Variants in SRRM4 observed in about 807,000 individuals in gnomAD.
SRRM4 encodes the protein serine/arginine repetitive matrix 4, also known as serine/arginine repetitive matrix protein 4.
In SRRM4, 33 loss-of-function variants were observed where a neutral mutation model predicts 68.9. The ratio of observed to expected loss-of-function variants is 0.48; its 90% CI spans 0.36 to 0.64. The LOEUF (loss-of-function observed/expected upper bound fraction) is 0.64, where lower values mean the gene tolerates loss of function less well. Ranked by LOEUF, SRRM4 falls within the 30% of genes least tolerant of loss-of-function variation. The pLI is 0.00. For synonymous variants in SRRM4, 318 were observed against 318.8 expected (o/e 1.00, Z 0.03); for missense variants, 817 against 827.1 (o/e 0.99, Z 0.15).
intron 1 of SRRM4, among the ~76,000 whole-genome samples, chr12:119,020,556 T>A (rs1319471264): frequency 6.6e-6 from 1 of 152,110 alleles, no homozygotes; most frequent in South Asian, 2.1e-4. Context: ...GCGCAAGGAA[T>A]GAAATCGTGA....
At chr12:119,074,005 T>C (rs1032831147) in intron 1 of SRRM4, among the ~76,000 whole-genome samples, 2 of 152,150 alleles carry the variant, frequency 1.3e-5, no homozygotes, top group African/African-American at 2.4e-5. Flanking sequence ...TTAAATAAGA[T>C]AATATATGTA....
intron 1 of SRRM4, among the ~76,000 whole-genome samples, chr12:119,039,879 A>G (rs927164551): frequency 3.3e-5 from 5 of 152,032 alleles, no homozygotes; most frequent in African/African-American, 1.2e-4. Context: ...TTTCTCAGCC[A>G]CCCATATACC....
intron 1 of SRRM4, among the ~76,000 whole-genome samples, chr12:119,095,751 CT>C (rs1212712434): frequency 6.6e-6 from 1 of 152,016 alleles, no homozygotes; most frequent in African/African-American, 2.4e-5. Flanking sequence ...AAGATTCCCC[CT>C]GTACCTCCAC....
chr12:119,057,800 A>G (rs1260374166), intron 1 of SRRM4, among the ~76,000 whole-genome samples: 2 of 152,214 alleles, frequency 1.3e-5, no homozygotes, highest in African/African-American at 2.4e-5. Context: ...GAACTAATTT[A>G]CACTCTCATC....
chr12:119,093,558 C>T (rs1034722403), intron 1 of SRRM4, among the ~76,000 whole-genome samples: 2 of 152,204 alleles, frequency 1.3e-5, no homozygotes, highest in African/African-American at 4.8e-5. Flanking sequence ...GCAACTCGCC[C>T]TCCCCGGAGA....
chr12:118,982,035 G>A, intron 1 of SRRM4, 22 bp downstream of exon 1: 1 of 1,596,958 alleles, frequency 6.3e-7, no homozygotes, highest in Non-Finnish European at 8.5e-7. Context: ...CTTCTTAGAA[G>A]GGGGGATCCT....
Position 119,151,082 on chromosome 12 carries a change from C to T in SRRM4, c.1142C>T (p.Ala381Val). The change falls in exon 10 of 13, where the codon GCC (alanine) becomes GTC (valine). Residue 381 changes from alanine to valine, a missense_variant. Physicochemically the swap from Ala to Val is moderately conservative, Grantham distance 64 (BLOSUM62 0). Coordinates refer to ENST00000267260, the MANE Select transcript of SRRM4 (RefSeq NM_194286.4). ...VKKSSLVPST[A>V]RSSPMKGCSR... ...AAGTCCAGTTTGGTCCCATCCACAG[C>T]CCGGAGCTCACCCATGAAAGGGTGT... 1 of 1,613,938 alleles carries T rather than the reference C, an allele frequency of 6.2e-7. No individual in the cohort carries two copies.
chr12:119,126,924 T>C lies in SRRM4; in HGVS notation c.614+1445T>C, dbSNP rs551581122. Among the ~76,000 whole-genome samples the C allele has an allele frequency of 1.2e-4, 18 of 149,352 alleles. No individual in the cohort carries two copies. In the South Asian group the frequency reaches 3.8e-3, roughly 31 times the overall value. Reference sequence around the variant, plus strand: ...GTCCTTTGTAGGGACATGGATGAAATTGGAAATCATCATTCTCAGTAAACT... The same window carrying C: ...GTCCTTTGTAGGGACATGGATGAAACTGGAAATCATCATTCTCAGTAAACT... On this transcript the variant is annotated intron_variant, in intron 7 of 12. Coordinates refer to ENST00000267260, the MANE Select transcript of SRRM4 (RefSeq NM_194286.4).
chr12:119,129,319 T>TG (rs1954279393), intron 7 of SRRM4, among the ~76,000 whole-genome samples: 2 of 152,258 alleles, frequency 1.3e-5, no homozygotes, highest in Non-Finnish European at 2.9e-5. Context: ...ATGCAGAGTC[T>TG]AAGCATGCCC....
At position 119,126,081 on chromosome 12, in the gene SRRM4, G is replaced by C. The variant is rs7307023; in HGVS notation, c.614+602G>C. ...CCCTATAGCCCAGTCTGGAGTGCAG[G>C]GGGGCGATCTTGGCTCACTGCAACC... is the stretch of plus-strand genomic sequence containing the variant. On this transcript the variant is annotated intron_variant, in intron 7 of 12. Coordinates refer to ENST00000267260, the MANE Select transcript of SRRM4 (RefSeq NM_194286.4). 2.3e-5 allele frequency among the ~76,000 whole-genome samples: 3 copies of C among 130,342 alleles called. No homozygotes were observed. In the South Asian group the frequency reaches 9.1e-4, roughly 39 times the overall value. 85.5% of individuals were successfully genotyped at this position (130,342 alleles called of 152,430 possible).
intron 8 of SRRM4, chr12:119,132,877 A>G (rs2136059020): frequency 6.6e-6 from 1 of 152,324 alleles, no homozygotes; most frequent in Admixed American, 6.5e-5. Context: ...GGAATTATTA[A>G]TTCGTGGTCA....
chr12:119,082,920 A>G (rs775865504), intron 1 of SRRM4, among the ~76,000 whole-genome samples: 4 of 152,214 alleles, frequency 2.6e-5, no homozygotes, highest in Admixed American at 6.5e-5. Flanking sequence ...TTTATGCCCT[A>G]AGACTGCTTA....
At chr12:118,984,116 G>T (rs1164253360) in intron 1 of SRRM4, among the ~76,000 whole-genome samples, 1 of 152,212 alleles carries the variant, frequency 6.6e-6, no homozygotes, top group Non-Finnish European at 1.5e-5. Context: ...GGGGTAGAGA[G>T]TGAGAAGGGA....
chr12:119,133,526 C>T (rs961894701), intron 8 of SRRM4, among the ~76,000 whole-genome samples: 4 of 152,202 alleles, frequency 2.6e-5, no homozygotes, highest in African/African-American at 7.2e-5. Context: ...TTAAGGTTGC[C>T]TGGCTCCTGG....
intron 7 of SRRM4, among the ~76,000 whole-genome samples, chr12:119,126,167 G>T (rs1290191554): frequency 6.6e-6 from 1 of 151,358 alleles, no homozygotes; most frequent in Non-Finnish European, 1.5e-5. Context: ...GGGACTACAG[G>T]CGCCCGCCAC....
At chr12:119,121,007 G>A (rs944010127) in intron 5 of SRRM4, among the ~76,000 whole-genome samples, 2 of 152,180 alleles carry the variant, frequency 1.3e-5, no homozygotes, top group Non-Finnish European at 2.9e-5. Flanking sequence ...GTAGATATTG[G>A]TTGCCAATGT....
intron 1 of SRRM4, among the ~76,000 whole-genome samples, chr12:118,991,176 C>T (rs2135989331): frequency 6.6e-6 from 1 of 152,254 alleles, no homozygotes. Flanking sequence ...CACTTCCTGC[C>T]CACCTCCCTG....
intron 1 of SRRM4, among the ~76,000 whole-genome samples, chr12:119,024,066 A>T (rs935876673): frequency 6.6e-6 from 1 of 152,052 alleles, no homozygotes; most frequent in African/African-American, 2.4e-5. Flanking sequence ...TATTTGTTGA[A>T]TGCCTACTTT....
chr12:119,021,140 G>A (rs574488140), intron 1 of SRRM4, among the ~76,000 whole-genome samples: 1 of 152,206 alleles, frequency 6.6e-6, no homozygotes, highest in African/African-American at 2.4e-5. Context: ...TGTGAGAAGG[G>A]TGAGGGGGTG....
Sources: gnomAD v4.1 joint callset for allele counts (sites outside exome capture counted in the v4.1 genomes callset) on GRCh38, gnomAD v4.1.1 for gene constraint, MANE v1.5 for transcripts, NCBI Gene and HGNC (gene_info 2026-07-23, HGNC 2026-07-21) for gene names.